GRM1: variants seen among roughly 807,000 people sequenced by gnomAD.
GRM1 encodes glutamate metabotropic receptor 1.
Under a neutral mutation model 90.9 loss-of-function variants are expected in GRM1, and 33 were observed. The observed-to-expected ratio is 0.36, with a 90% CI of 0.28 to 0.49. GRM1 has a LOEUF of 0.49. GRM1 is among the 20% of genes least tolerant of loss of function. The pLI, the probability that GRM1 is intolerant of heterozygous loss-of-function variation, is 0.99. For synonymous variants in GRM1, 700 were observed against 613.2 expected, an observed-to-expected ratio of 1.14 and a Z score of -2.09; for missense variants, 1,190 against 1,534.3, an observed-to-expected ratio of 0.78 and a Z score of 3.75.
At chr6:146,297,703 C>G (rs989990380) in intron 2 of GRM1, among the ~76,000 whole-genome samples, 3 of 152,120 alleles carry the variant, frequency 2.0e-5, no homozygotes, top group African/African-American at 4.8e-5. Flanking sequence ...TGAAAAGTCA[C>G]AAATTGCTGT....
chr6:146,241,583 G>A (rs530044034), intron 2 of GRM1, among the ~76,000 whole-genome samples: 2 of 152,012 alleles, frequency 1.3e-5, no homozygotes, highest in Non-Finnish European at 2.9e-5. Context: ...ACTCTTCCCT[G>A]GCAATTCCCT....
intron 3 of GRM1, among the ~76,000 whole-genome samples, chr6:146,311,486 G>A (rs1343544270): frequency 6.6e-6 from 1 of 152,188 alleles, no homozygotes; most frequent in East Asian, 1.9e-4. Flanking sequence ...GAAGCTCTGA[G>A]AGTAACTATT....
chr6:146,203,772 T>C (rs1381969716), intron 2 of GRM1, among the ~76,000 whole-genome samples: 1 of 152,216 alleles, frequency 6.6e-6, no homozygotes, highest in African/African-American at 2.4e-5. Context: ...CTTGAACTCG[T>C]ATCCTACATT....
chr6:146,155,100 T>C (rs774532951), intron 1 of GRM1, among the ~76,000 whole-genome samples: 3 of 152,172 alleles, frequency 2.0e-5, no homozygotes, highest in Admixed American at 6.5e-5. Context: ...GAGTACATCA[T>C]TGAAAAAGCC....
chr6:146,298,879 A>T (rs1562591165), intron 2 of GRM1, among the ~76,000 whole-genome samples: 2 of 152,230 alleles, frequency 1.3e-5, no homozygotes, highest in African/African-American at 4.8e-5. Context: ...AGCTATGAAA[A>T]CACATCAAAA....
intron 1 of GRM1, among the ~76,000 whole-genome samples, chr6:146,140,070 C>T (rs1339265489): frequency 7.7e-6 from 1 of 129,534 alleles, no homozygotes; most frequent in Non-Finnish European, 1.7e-5. Context: ...CTCTCCTCTT[C>T]TTTTCTCCTT....
intron 2 of GRM1, among the ~76,000 whole-genome samples, chr6:146,181,239 TA>T (rs11373832): frequency 4.8e-5 from 7 of 145,982 alleles, no homozygotes; most frequent in East Asian, 4.0e-4. Flanking sequence ...TTGCCACCTT[TA>T]AAAAAAAAAC....
At chr6:146,201,520 T>C (rs1779296543) in intron 2 of GRM1, among the ~76,000 whole-genome samples, 1 of 152,180 alleles carries the variant, frequency 6.6e-6, no homozygotes, top group Non-Finnish European at 1.5e-5. Flanking sequence ...TATCCTCACA[T>C]AGCAGAGACA....
At chr6:146,182,961 T>C (rs1471714168) in intron 2 of GRM1, among the ~76,000 whole-genome samples, 1 of 152,158 alleles carries the variant, frequency 6.6e-6, no homozygotes, top group African/African-American at 2.4e-5. Flanking sequence ...ATTCATAGAA[T>C]TAGGGTATGA....
chr6:146,211,377 G>A (rs1342718888), intron 2 of GRM1, among the ~76,000 whole-genome samples: 3 of 151,578 alleles, frequency 2.0e-5, no homozygotes, highest in South Asian at 2.1e-4. Context: ...CAAAGAAAAT[G>A]TGTTTTCTTA....
intron 3 of GRM1, among the ~76,000 whole-genome samples, chr6:146,330,318 G>A (rs1186787204): frequency 6.6e-6 from 1 of 152,166 alleles, no homozygotes; most frequent in East Asian, 1.9e-4. Flanking sequence ...AGGATCTAAA[G>A]AGAAAAGTTT....
chr6:146,234,505 G>A (rs1001354573), intron 2 of GRM1, among the ~76,000 whole-genome samples: 2 of 151,592 alleles, frequency 1.3e-5, no homozygotes, highest in African/African-American at 4.8e-5. Context: ...GGTTGCCATT[G>A]GGTTTATAAT....
intron 1 of GRM1, among the ~76,000 whole-genome samples, chr6:146,045,031 A>C (rs1407964000): frequency 2.0e-5 from 3 of 151,892 alleles, no homozygotes; most frequent in African/African-American, 2.4e-5. Flanking sequence ...TCTGGACCGC[A>C]ATATGGACAG....
intron 7 of GRM1, among the ~76,000 whole-genome samples, chr6:146,413,940 T>C (rs1004897012): frequency 2.0e-5 from 3 of 152,188 alleles, no homozygotes; most frequent in Non-Finnish European, 4.4e-5. Flanking sequence ...GAATACACAA[T>C]GTTTATTCTT....
chr6:146,419,033 A>G (rs1777891676), intron 7 of GRM1, among the ~76,000 whole-genome samples: 1 of 152,192 alleles, frequency 6.6e-6, no homozygotes, highest in African/African-American at 2.4e-5. Flanking sequence ...CATTAATAAC[A>G]TATAAGGAGT....
At chr6:146,312,247 A>G (rs1364422599) in intron 3 of GRM1, among the ~76,000 whole-genome samples, 1 of 145,274 alleles carries the variant, frequency 6.9e-6, no homozygotes, top group Non-Finnish European at 1.5e-5. Flanking sequence ...AGGCTGAGGC[A>G]GGAGAATGGC....
chr6:146,087,724 G>A (rs1379766242), intron 1 of GRM1, among the ~76,000 whole-genome samples: 1 of 152,164 alleles, frequency 6.6e-6, no homozygotes, highest in African/African-American at 2.4e-5. Flanking sequence ...AAGTTTTTGA[G>A]TTGGCATCAT....
At position 146,091,555 on chromosome 6, in the gene GRM1, C is replaced by A. The variant is rs576474208; in HGVS notation, c.700+61338C>A. ...AAATAAAGGGAGAGCCATAAAATTG[C>A]CCAGTGTGTTCAGGGAGCAGCCAGG... On this transcript the variant is annotated intron_variant, in intron 1 of 7. Transcript: ENST00000282753. Among the ~76,000 whole-genome samples the A allele has an allele frequency of 3.3e-5, 5 of 152,036 alleles. 1 individual carries two copies. In the South Asian group the frequency reaches 1.0e-3, roughly 32 times the overall value.
intron 7 of GRM1, among the ~76,000 whole-genome samples, chr6:146,415,468 GC>G (rs1185935781): frequency 6.6e-6 from 1 of 152,068 alleles, no homozygotes; most frequent in Non-Finnish European, 1.5e-5. Flanking sequence ...TGAAAATATT[GC>G]CTTCCCTCAT....
Sources: allele counts gnomAD v4.1 joint callset (sites outside exome capture counted in the v4.1 genomes callset), GRCh38; gene constraint gnomAD v4.1.1; transcripts MANE v1.5; gene names NCBI Gene and HGNC (gene_info 2026-07-23, HGNC 2026-07-21).